The following TMSB15B variants were observed in gnomAD, a reference collection of about 807,000 sequenced individuals.
The protein encoded by TMSB15B is thymosin beta 15B, also known as thymosin beta-15B.
Position 103,925,340 on chromosome X carries a change from A to G in TMSB15B, c.-721+6048A>G, listed in dbSNP as rs191029299. Among the ~76,000 whole-genome samples, 505 of 112,445 alleles carry G rather than the reference A, an allele frequency of 4.5e-3. 1 individual carries two copies. The highest frequency in any genetic ancestry group is 0.037 in the Middle Eastern group (8 of 218). On this transcript the variant is annotated intron_variant, in intron 1 of 3. Transcript: ENST00000419165. ...TCTTAATAGAAAATACTTTGGAGAA[A>G]CTTGATCTTCACTCCCATAAAATGG...
intron 1 of TMSB15B, among the ~76,000 whole-genome samples, chrX:103,946,559 A>AT (rs1270978619): frequency 1.8e-4 from 20 of 112,340 alleles, no homozygotes; most frequent in Non-Finnish European, 2.8e-4. Context: ...TAACAGGCCA[A>AT]TTTTTTGTGG....
chrX:103,935,557 T>C (rs1556321305), intron 1 of TMSB15B, among the ~76,000 whole-genome samples: 1 of 111,708 alleles, frequency 9.0e-6, no homozygotes, highest in African/African-American at 3.3e-5. Context: ...GTTTTCTGCA[T>C]ATGGCTAGCT....
intron 1 of TMSB15B, among the ~76,000 whole-genome samples, chrX:103,953,178 T>C (rs2075043084): frequency 1.8e-5 from 2 of 110,931 alleles, no homozygotes; most frequent in South Asian, 7.9e-4. Flanking sequence ...TGGGAACCCA[T>C]GCTTCTTCCA....
At chrX:103,940,538 T>C (rs1485552436) in intron 1 of TMSB15B, among the ~76,000 whole-genome samples, 5 of 110,997 alleles carry the variant, frequency 4.5e-5, no homozygotes, top group African/African-American at 1.6e-4. Flanking sequence ...CAGGTCAACT[T>C]CAGACTTTCG....
At chrX:103,952,203 T>C (rs782160092) in intron 1 of TMSB15B, among the ~76,000 whole-genome samples, 1 of 111,537 alleles carries the variant, frequency 9.0e-6, no homozygotes, top group South Asian at 3.8e-4. Flanking sequence ...AGCTTTAGAA[T>C]GATCGATATT....
chrX:103,935,697 A>G (rs2074995726), intron 1 of TMSB15B, among the ~76,000 whole-genome samples: 1 of 110,686 alleles, frequency 9.0e-6, no homozygotes, highest in African/African-American at 3.3e-5. Context: ...ATTGGTCTAT[A>G]TATCTGTTTT....
chrX:103,945,323 G>A (rs1201083020), intron 1 of TMSB15B, among the ~76,000 whole-genome samples: 10 of 112,066 alleles, frequency 8.9e-5, no homozygotes, highest in African/African-American at 3.3e-4. Flanking sequence ...TTAAGATTGG[G>A]CAGCTGCATC....
chrX:103,920,495 A>G (rs73528712), intron 1 of TMSB15B, among the ~76,000 whole-genome samples: 2,305 of 111,448 alleles, frequency 0.021, 65 homozygotes, highest in African/African-American at 0.07. Context: ...TCATCAGTGT[A>G]TTTGTCCATG....
intron 1 of TMSB15B, among the ~76,000 whole-genome samples, chrX:103,942,641 A>G (rs1302794927): frequency 4.5e-5 from 5 of 112,290 alleles, no homozygotes; most frequent in African/African-American, 6.5e-5. Context: ...TTCTTTTCAC[A>G]AAATTACTGT....
intron 1 of TMSB15B, among the ~76,000 whole-genome samples, chrX:103,942,046 C>G (rs1279881704): frequency 1.8e-5 from 2 of 111,709 alleles, no homozygotes; most frequent in African/African-American, 6.5e-5. Flanking sequence ...CCATATATCT[C>G]TCCCCACTTT....
At chrX:103,927,063 C>T (rs1310172511) in intron 1 of TMSB15B, among the ~76,000 whole-genome samples, 3 of 111,201 alleles carry the variant, frequency 2.7e-5, no homozygotes, top group Non-Finnish European at 5.7e-5. Flanking sequence ...CTTCATATGT[C>T]CTGGCTTCCA....
intron 1 of TMSB15B, among the ~76,000 whole-genome samples, chrX:103,952,095 G>C (rs1173905220): frequency 1.8e-5 from 2 of 111,258 alleles, no homozygotes; most frequent in Non-Finnish European, 3.8e-5. Flanking sequence ...TTTGAGATGG[G>C]GGTTTTGCTA....
intron 1 of TMSB15B, among the ~76,000 whole-genome samples, chrX:103,948,047 G>A (rs1367524959): frequency 1.8e-5 from 2 of 111,108 alleles, no homozygotes; most frequent in African/African-American, 6.6e-5. Flanking sequence ...CGGGGAGCGG[G>A]GGGCAAGGGG....
At chrX:103,933,481 A>G (rs2147819504) in intron 1 of TMSB15B, among the ~76,000 whole-genome samples, 1 of 108,199 alleles carries the variant, frequency 9.2e-6, no homozygotes, top group South Asian at 4.0e-4. Flanking sequence ...TTAATAACCT[A>G]CTCCTCTCCC....
At chrX:103,926,998 G>A (rs1187572610) in intron 1 of TMSB15B, among the ~76,000 whole-genome samples, 2 of 110,414 alleles carry the variant, frequency 1.8e-5, no homozygotes, top group African/African-American at 6.6e-5. Context: ...TTTCCTCCCC[G>A]GCAAACTCCC....
chrX:103,919,533 C>G (rs2074945200), intron 1 of TMSB15B: 1 of 111,587 alleles, frequency 9.0e-6, no homozygotes, highest in South Asian at 3.8e-4. Context: ...AGCAGTGTGC[C>G]CACTTAACAG....
chrX:103,949,522 T>TGGATGTGTAGTG (rs2147825441), intron 1 of TMSB15B, among the ~76,000 whole-genome samples: 1 of 111,529 alleles, frequency 9.0e-6, no homozygotes, highest in East Asian at 2.8e-4. Context: ...CCTGATGGAT[T>TGGATGTGTAGTG]GGAGAGAAAG....
chrX:103,926,524 A>T (rs1469946602), intron 1 of TMSB15B, among the ~76,000 whole-genome samples: 5 of 59,482 alleles, frequency 8.4e-5, no homozygotes, highest in Non-Finnish European at 1.6e-4. Flanking sequence ...AGCAGGGGGG[A>T]TAGGATGGGA....
chrX:103,945,128 C>T (rs782775901), intron 1 of TMSB15B, among the ~76,000 whole-genome samples: 1 of 112,925 alleles, frequency 8.9e-6, no homozygotes, highest in Non-Finnish European at 1.9e-5. Context: ...GTTTTCTTCA[C>T]ATTTTGTAAA....
Sources: gnomAD v4.1 joint callset for allele counts (sites outside exome capture counted in the v4.1 genomes callset) on GRCh38, gnomAD v4.1.1 for gene constraint, MANE v1.5 for transcripts, NCBI Gene and HGNC (gene_info 2026-07-23, HGNC 2026-07-21) for gene names.